Variants in BACC1 observed in about 807,000 individuals in gnomAD.
BACC1 encodes BPTF-associated chromatin complex component 1.
At chr17:7,016,784 G>C in the BACC1 span, 1 of 1,532,666 alleles carries the variant, frequency 6.5e-7, no homozygotes, top group Non-Finnish European at 8.9e-7. Context: ...CTCTCTTCCT[G>C]TCCCTGTGGA....
the BACC1 span, chr17:7,016,892 C>T: frequency 6.2e-7 from 1 of 1,603,050 alleles, no homozygotes; most frequent in Non-Finnish European, 8.5e-7. Flanking sequence ...TAGAACCTAG[C>T]TTATGCCCCC....
chr17:7,016,593 C>A, the BACC1 span: 3 of 1,614,196 alleles, frequency 1.9e-6, no homozygotes, highest in Non-Finnish European at 2.5e-6. Context: ...AAGGTGGCAT[C>A]TGGTGTCTTG....
chr17:7,017,246 TC>T, the BACC1 span: 2 of 1,614,040 alleles, frequency 1.2e-6, no homozygotes. Flanking sequence ...CCATTTTACT[TC>T]CTGTTCCAGA....
the BACC1 span, chr17:7,015,196 G>T: frequency 5.2e-6 from 8 of 1,531,150 alleles, no homozygotes; most frequent in Non-Finnish European, 7.0e-6. Context: ...CTGAGAGCGG[G>T]CGCTTGGACT....
At chr17:7,014,912 G>A in the BACC1 span, 3 of 1,507,656 alleles carry the variant, frequency 2.0e-6, no homozygotes, top group African/African-American at 2.9e-5. The surrounding 1 kb of genome is among the most constrained non-coding windows in gnomAD (Gnocchi z 4.5). Context: ...GCTCCCTGGC[G>A]GCCACGGGAG....
chr17:7,015,260 G>C, the BACC1 span: 4 of 1,437,152 alleles, frequency 2.8e-6, no homozygotes, highest in Non-Finnish European at 3.6e-6. Context: ...GTTTCCCTTT[G>C]TGCGTGGCAC....
At chr17:7,016,555 A>G in the BACC1 span, 5 of 1,614,118 alleles carry the variant, frequency 3.1e-6, no homozygotes, top group African/African-American at 1.3e-5. Flanking sequence ...TCCCCCTTCC[A>G]GCTGAGTCAC....
the BACC1 span, chr17:7,017,212 A>C: frequency 6.2e-7 from 1 of 1,614,012 alleles, no homozygotes; most frequent in Non-Finnish European, 8.5e-7. Context: ...TTGGAAGCAC[A>C]CTGGGGGCTC....
At chr17:7,016,943 C>T in the BACC1 span, 1 of 1,614,026 alleles carries the variant, frequency 6.2e-7, no homozygotes, top group East Asian at 2.2e-5. Flanking sequence ...GACTCCGATG[C>T]CAACAGTGAC....
chr17:7,015,776 C>G, the BACC1 span: 1 of 1,613,610 alleles, frequency 6.2e-7, no homozygotes, highest in Non-Finnish European at 8.5e-7. Context: ...TCTGACAGTG[C>G]GAAGTGGACG....
chr17:7,015,641 CTCTT>C, the BACC1 span: 1 of 1,312,302 alleles, frequency 7.6e-7, no homozygotes, highest in Non-Finnish European at 1.0e-6. Flanking sequence ...TACGGAGGAC[CTCTT>C]TATGCATCCG....
chr17:7,016,726 A>G, the BACC1 span: 9 of 1,584,334 alleles, frequency 5.7e-6, no homozygotes, highest in Non-Finnish European at 7.7e-6. Context: ...TAAAGGTCCC[A>G]TCTGAGGTTT....
At chr17:7,015,885 G>A in the BACC1 span, 4 of 1,612,374 alleles carry the variant, frequency 2.5e-6, no homozygotes, top group African/African-American at 2.7e-5. Context: ...TGTGAGGGAG[G>A]GTGGCTGCCA....
At chr17:7,015,553 A>G in the BACC1 span, 1 of 1,420,936 alleles carries the variant, frequency 7.0e-7, no homozygotes, top group Non-Finnish European at 9.2e-7. Flanking sequence ...GGGGTGTCTA[A>G]GGTGGAGGTG....
the BACC1 span, chr17:7,016,303 G>A: frequency 1.6e-6 from 1 of 610,760 alleles, no homozygotes; most frequent in East Asian, 2.8e-5. Flanking sequence ...ACTCAGTTCA[G>A]GGACTCCACT....
the BACC1 span, chr17:7,017,253 C>T: frequency 1.5e-5 from 24 of 1,613,970 alleles, no homozygotes; most frequent in Non-Finnish European, 1.7e-6. Context: ...ACTTCCTGTT[C>T]CAGACAGCCT....
the BACC1 span, chr17:7,015,298 C>A: frequency 3.6e-6 from 5 of 1,387,470 alleles, no homozygotes; most frequent in Non-Finnish European, 4.6e-6. Context: ...AATAAATGAT[C>A]GTTGGGTGAG....
At chr17:7,015,243 G>A in the BACC1 span, 205 of 1,450,374 alleles carry the variant, frequency 1.4e-4, no homozygotes, top group Non-Finnish European at 1.7e-4. Flanking sequence ...CACAGGGACA[G>A]ACATTAGTTT....
At chr17:7,016,721 G>A in the BACC1 span, 18 of 1,590,542 alleles carry the variant, frequency 1.1e-5, no homozygotes, top group African/African-American at 1.8e-4. Context: ...GGGGTTAAAG[G>A]TCCCATCTGA....
Sources: allele counts gnomAD v4.1 joint callset, GRCh38; gene constraint gnomAD v4.1.1; non-coding constraint Gnocchi (gnomAD v3.1); transcripts MANE v1.5; gene names NCBI Gene and HGNC (gene_info 2026-07-23, HGNC 2026-07-21).